Variants in GSE1 observed in about 807,000 individuals in gnomAD.
The protein encoded by GSE1 is Gse1 coiled-coil protein.
GSE1 carries 32 observed loss-of-function variants against 112.6 expected under a neutral mutation model. The ratio of observed to expected loss-of-function variants is 0.28; its 90% confidence interval spans 0.21 to 0.38. The LOEUF (loss-of-function observed/expected upper bound fraction) is 0.38. Among genes scored for constraint, GSE1 ranks in the 10% least tolerant of loss-of-function variants. The pLI, the probability that GSE1 is intolerant of heterozygous loss-of-function variation, is 1.00. For synonymous variants in GSE1, 1,115 were observed against 735.6 expected (o/e 1.52, Z -8.35); for missense variants, 2,348 against 1,699.2 (o/e 1.38, Z -6.71).
intron 1 of GSE1, among the ~76,000 whole-genome samples, chr16:85,176,142 C>T (rs950782937): frequency 4.6e-5 from 7 of 152,200 alleles, no homozygotes; most frequent in African/African-American, 1.7e-4. Flanking sequence ...GTGTGCGCCA[C>T]CATGCCAAGC....
chr16:85,189,831 C>T lies in GSE1; in HGVS notation c.2283+18024C>T, dbSNP rs887932888. Among the ~76,000 whole-genome samples, 14 of 152,146 alleles carry T rather than the reference C, an allele frequency of 9.2e-5. 1 individual carries two copies. The highest frequency in any genetic ancestry group is 1.8e-4 in the Non-Finnish European group (12 of 68,024). Reference sequence around the variant, plus strand: ...TTTGTTCTTAATATTTCTTTATTATCTTTCTAATGCCTGTAGGTTCTGTAA... The same window carrying T: ...TTTGTTCTTAATATTTCTTTATTATTTTTCTAATGCCTGTAGGTTCTGTAA... On this transcript the variant is annotated intron_variant, in intron 1 of 2. Transcript: ENST00000637419.
intron 1 of GSE1, among the ~76,000 whole-genome samples, chr16:85,569,425 TG>T (rs2045891055): frequency 6.6e-6 from 1 of 152,244 alleles, no homozygotes; most frequent in Non-Finnish European, 1.5e-5. Flanking sequence ...TATGAGACTG[TG>T]GGCAAGTTAC....
intron 1 of GSE1, among the ~76,000 whole-genome samples, chr16:85,352,581 A>C (rs1261669285): frequency 6.6e-6 from 1 of 152,202 alleles, no homozygotes; most frequent in Admixed American, 6.5e-5. Context: ...GACACAGCAC[A>C]TATGCAGGTT....
chr16:85,549,741 G>A (rs2044837069), intron 2 of GSE1, among the ~76,000 whole-genome samples: 2 of 152,208 alleles, frequency 1.3e-5, no homozygotes, highest in South Asian at 2.1e-4. Context: ...AGACGGTCCA[G>A]GGACCTAAGG....
intron 1 of GSE1, among the ~76,000 whole-genome samples, chr16:85,294,636 TC>T (rs2045313842): frequency 7.2e-6 from 1 of 139,330 alleles, no homozygotes; most frequent in Non-Finnish European, 1.5e-5. Flanking sequence ...TCTCTCTCTC[TC>T]TCTCTCTCTC....
intron 2 of GSE1, among the ~76,000 whole-genome samples, chr16:85,363,916 C>T (rs2047134060): frequency 6.6e-6 from 1 of 152,216 alleles, no homozygotes; most frequent in Admixed American, 6.5e-5. Flanking sequence ...TGACTTCTGC[C>T]TTGCCGATCA....
At chr16:85,566,723 C>T (rs1424512416) in intron 1 of GSE1, among the ~76,000 whole-genome samples, 2 of 152,194 alleles carry the variant, frequency 1.3e-5, no homozygotes, top group African/African-American at 2.4e-5. Context: ...TTAGGATTAG[C>T]TTTCAGACCT....
rs1376306620 is a variant in GSE1, at chr16:85,291,303, C to T, written c.2284-66160C>T. ...CCTCCTCACCCTCCTCCTCCCTGTCCCAAGGGTGGCACCAGCCCCCCTGGG... is the reference window on the plus strand; with the variant it reads ...CCTCCTCACCCTCCTCCTCCCTGTCTCAAGGGTGGCACCAGCCCCCCTGGG... On this transcript the variant is annotated intron_variant, in intron 1 of 2. Coordinates refer to the GSE1 transcript ENST00000637419. Among the ~76,000 whole-genome samples the T allele has an allele frequency of 3.3e-5, 5 of 152,190 alleles. No homozygotes were observed. The East Asian group carries it at 9.6e-4, about 29-fold the overall frequency.
At chr16:85,257,409 C>G (rs1248742079) in intron 1 of GSE1, among the ~76,000 whole-genome samples, 1 of 152,218 alleles carries the variant, frequency 6.6e-6, no homozygotes, top group Non-Finnish European at 1.5e-5. Flanking sequence ...CCACGCTCAG[C>G]AATGTTCTGC....
At chr16:85,639,160 C>A (rs549071832) in intron 2 of GSE1, among the ~76,000 whole-genome samples, 1 of 152,318 alleles carries the variant, frequency 6.6e-6, no homozygotes. Flanking sequence ...TCTCTTTGTT[C>A]CTCCCACATT....
intron 2 of GSE1, among the ~76,000 whole-genome samples, chr16:85,520,273 A>G (rs1050847326): frequency 1.1e-4 from 17 of 152,130 alleles, no homozygotes; most frequent in Middle Eastern, 6.8e-3. Context: ...CTCATGCCCT[A>G]ATCACCTCCA....
rs1034385396 is a variant in GSE1, at chr16:85,673,183, T to C, written c.*644T>C. On this transcript the variant is annotated 3_prime_UTR_variant, in exon 16 of 16. Transcript: ENST00000253458. ...AACCAATTCACAAACTGAAGGTAGC[T>C]TTTTATTACTCCGTGGGGAGCATGT... is the stretch of plus-strand genomic sequence containing the variant. 1.3e-5 allele frequency: 2 copies of C among 152,616 alleles called. No individual in the cohort carries two copies. The highest frequency in any genetic ancestry group is 4.8e-5 in the African/African-American group (2 of 41,432). The allele number at this position is 152,616 out of a possible 1,614,324, so 9.5% of individuals were successfully genotyped here.
chr16:85,385,235 G>A (rs906758652), intron 2 of GSE1, among the ~76,000 whole-genome samples: 2 of 152,234 alleles, frequency 1.3e-5, no homozygotes, highest in African/African-American at 2.4e-5. Flanking sequence ...CTTGTCCGGG[G>A]CAGGAGGCTG....
chr16:85,540,779 G>T (rs2044490325), intron 2 of GSE1, among the ~76,000 whole-genome samples: 1 of 151,914 alleles, frequency 6.6e-6, no homozygotes. Context: ...AAGTGGCATG[G>T]GCCTGTAGTC....
intron 1 of GSE1, among the ~76,000 whole-genome samples, chr16:85,560,128 C>CTTTTTTTTTTTTTT (rs377241566): frequency 2.0e-5 from 2 of 99,162 alleles, no homozygotes; most frequent in Admixed American, 1.4e-4. Context: ...TCTTCTTCTT[C>CTTTTTTTTTTTTTT]TTTTTTTTTT....
At chr16:85,536,979 A>G (rs1013657432) in intron 2 of GSE1, among the ~76,000 whole-genome samples, 5 of 152,186 alleles carry the variant, frequency 3.3e-5, no homozygotes, top group Non-Finnish European at 7.4e-5. Flanking sequence ...TGACGTGGTC[A>G]TTGAGCCTTC....
intron 1 of GSE1, among the ~76,000 whole-genome samples, chr16:85,321,223 C>T (rs945053256): frequency 1.3e-5 from 2 of 152,156 alleles, no homozygotes; most frequent in Non-Finnish European, 2.9e-5. Flanking sequence ...TGAGTGAATG[C>T]TCGTGTAGCT....
chr16:85,657,230 C>T (rs2052038514), intron 7 of GSE1, 47 bp from the exon 8 acceptor site: 7 of 1,320,064 alleles, frequency 5.3e-6, no homozygotes, highest in Non-Finnish European at 7.3e-6. Context: ...AGGGAGCATG[C>T]TGGCCCACGT....
chr16:85,174,655 A>T (rs1271405241), intron 1 of GSE1, among the ~76,000 whole-genome samples: 2 of 152,154 alleles, frequency 1.3e-5, no homozygotes, highest in Non-Finnish European at 2.9e-5. Flanking sequence ...GGGGACACAC[A>T]TGAGGAGTGG....
Sources: allele counts gnomAD v4.1 joint callset (sites outside exome capture counted in the v4.1 genomes callset), GRCh38; gene constraint gnomAD v4.1.1; transcripts MANE v1.5; gene names NCBI Gene and HGNC (gene_info 2026-07-23, HGNC 2026-07-21).